The following PPP1R3E variants were observed in gnomAD, a reference collection of about 807,000 sequenced individuals.
PPP1R3E encodes the protein protein phosphatase 1 regulatory subunit 3E.
Under a neutral mutation model 18.5 loss-of-function variants are expected in PPP1R3E, and 20 were observed. The ratio of observed to expected loss-of-function variants is 1.08; its 90% confidence interval spans 0.76 to 1.58. PPP1R3E has a LOEUF of 1.58. Ranked by LOEUF, PPP1R3E falls within the 40% of genes most tolerant of loss-of-function variation. PPP1R3E has a pLI of 0.00. For synonymous variants in PPP1R3E, 208 were observed against 208.1 expected, an observed-to-expected ratio of 1.00 and a Z score of 0.00; for missense variants, 498 against 460.2, an observed-to-expected ratio of 1.08 and a Z score of -0.75.
chr14:23,299,917 TTTTG>T (rs1373238314), intron 3 of PPP1R3E, among the ~76,000 whole-genome samples: 1 of 95,722 alleles, frequency 1.0e-5, no homozygotes, highest in African/African-American at 4.8e-5. Context: ...TTTGGTGTTT[TTTTG>T]TTTTTGTTTT....
Position 23,297,220 on chromosome 14 carries a change from A to C in PPP1R3E, c.*2084T>G, listed in dbSNP as rs924777473. ...TCCACTACAATGCCTAATGCGTAAC[A>C]CATTAATAGGGTGGCTGAAGATTCC... On this transcript the variant is annotated 3_prime_UTR_variant, in exon 5 of 5. Coordinates refer to ENST00000452015, the MANE Select transcript of PPP1R3E (RefSeq NM_001276318.2). The C allele has an allele frequency of 2.6e-5, 4 of 152,178 alleles. No homozygotes were observed. The highest frequency in any genetic ancestry group is 5.9e-5 in the Non-Finnish European group (4 of 68,042). 9.4% of individuals were successfully genotyped at this position (152,178 alleles called of 1,614,324 possible).
In PPP1R3E at chr14:23,296,255, T is replaced by A. The variant is rs1361007865; in HGVS notation, c.*3049A>T. On this transcript the variant is annotated 3_prime_UTR_variant, in exon 5 of 5. Coordinates refer to ENST00000452015, the MANE Select transcript of PPP1R3E (RefSeq NM_001276318.2). ...TACCATCATTGTCTTTTGTTTCTCT[T>A]TATGCCTGGATGGGGAAAGGAATGG... 6.6e-6 allele frequency: 1 copy of A among 152,226 alleles called. No individual in the cohort carries two copies. The highest frequency in any genetic ancestry group is 1.5e-5 in the Non-Finnish European group (1 of 68,050). 9.4% of individuals were successfully genotyped at this position (152,226 alleles called of 1,614,324 possible). A position where few individuals can be genotyped will look rare whatever the true frequency, so the allele number is the denominator to read the frequency against.
At position 23,301,729 on chromosome 14, in the gene PPP1R3E, G is replaced by A; in HGVS notation, c.547C>T (p.Leu183=). 1.4e-6 allele frequency: 2 copies of A among 1,412,374 alleles called. No individual in the cohort carries two copies. The highest frequency in any genetic ancestry group is 9.2e-7 in the Non-Finnish European group (1 of 1,085,734). 87.5% of individuals were successfully genotyped at this position (1,412,374 alleles called of 1,614,324 possible). Residue 183 remains leucine (L), a synonymous_variant, in exon 2 of 5, where the codon CTG becomes TTG. Coordinates refer to ENST00000452015, the MANE Select transcript of PPP1R3E (RefSeq NM_001276318.2). ...GVAGSARVVD[L]AYEKRVSVRW... ...ACGCTCACGCGCTTCTCGTAGGCCA[G>A]GTCCACCACGCGCGCGCTCCCGGCC...
chr14:23,302,127 G>A, intron 1 of PPP1R3E, 33 bp downstream of exon 1: 1 of 1,392,612 alleles, frequency 7.2e-7, no homozygotes. Flanking sequence ...ACTGGAGGAG[G>A]TCCCCAGGAG....
rs896872460 is a variant in PPP1R3E, at chr14:23,302,508, C to T, written c.69G>A (p.Glu23=). ...RNLSFIAALT[E]RAYYRSQRPS... ...GCCGCTGGCTACGGTAGTAGGCGCGCTCCGTTAGCGCGGCGATGAAGCTCA... is the reference window on the plus strand; with the variant it reads ...GCCGCTGGCTACGGTAGTAGGCGCGTTCCGTTAGCGCGGCGATGAAGCTCA... Residue 23 remains glutamate, a synonymous_variant, in exon 1 of 5, where the codon GAG becomes GAA. Coordinates refer to ENST00000452015, the MANE Select transcript of PPP1R3E (RefSeq NM_001276318.2). The T allele has an allele frequency of 6.6e-6, 10 of 1,504,070 alleles. No homozygotes were observed. In the African/African-American group the frequency reaches 1.0e-4, roughly 15 times the overall value. 93.2% of individuals were successfully genotyped at this position (1,504,070 alleles called of 1,614,324 possible).
rs991541323 is a variant in PPP1R3E, at chr14:23,301,409, T to C, written c.*27A>G. 11 of 1,362,028 alleles carry C rather than the reference T, an allele frequency of 8.1e-6. No homozygotes were observed. The highest frequency in any genetic ancestry group is 1.5e-5 in the African/African-American group (1 of 66,250). 84.4% of individuals were successfully genotyped at this position (1,362,028 alleles called of 1,614,324 possible). ...CCGCCCCCGGGTGCCTTTGGTGTTT[T>C]CCGCCGTCGGCCGCAGGCGCCTCGT... On this transcript the variant is annotated 3_prime_UTR_variant, in exon 2 of 5. Coordinates refer to ENST00000452015, the MANE Select transcript of PPP1R3E (RefSeq NM_001276318.2).
In PPP1R3E at chr14:23,301,282, C is replaced by G. The variant is rs1168581355; in HGVS notation, c.*138+16G>C. On this transcript the variant is annotated intron_variant, in intron 2 of 4. Transcript: ENST00000452015. Reference sequence around the variant, plus strand: ...GCCCCCACGCCCCCACGCCCCCACGCCCCTGATTTCCCCACCCTTTTCGCC... The same window carrying G: ...GCCCCCACGCCCCCACGCCCCCACGGCCCTGATTTCCCCACCCTTTTCGCC... 2.7e-6 allele frequency: 1 copy of G among 370,404 alleles called. No individual in the cohort carries two copies. Among genetic ancestry groups the G allele is most frequent in the African/African-American group, 2.2e-5 (1 of 45,016 alleles). 22.9% of individuals were successfully genotyped at this position (370,404 alleles called of 1,614,324 possible).
In PPP1R3E at chr14:23,302,314, ACT is replaced by A; in HGVS notation, c.261_262del (p.Arg87SerfsTer21). On this transcript the variant is annotated frameshift_variant, in exon 1 of 5. Transcript: ENST00000452015. LOFTEE classifies it high-confidence loss of function. Reference sequence around the variant, plus strand: ...CAACCCCAGTGCGTCGGCGAAACGCACTCTCTTGCGGGTGTCTGGGCTACGGC... The same window carrying A: ...CAACCCCAGTGCGTCGGCGAAACGCACTCTTGCGGGTGTCTGGGCTACGGC... 2.6e-6 allele frequency: 4 copies of A among 1,516,516 alleles called. No homozygotes were observed. The highest frequency in any genetic ancestry group is 1.4e-5 in the African/African-American group (1 of 69,688). 93.9% of individuals were successfully genotyped at this position (1,516,516 alleles called of 1,614,324 possible). A position where few individuals can be genotyped will look rare whatever the true frequency, so the allele number is the denominator to read the frequency against.
chr14:23,299,792 G>A (rs868443846), intron 3 of PPP1R3E, among the ~76,000 whole-genome samples: 1 of 152,120 alleles, frequency 6.6e-6, no homozygotes, highest in Non-Finnish European at 1.5e-5. Context: ...ACCAGGAGGA[G>A]AGGCTTATAT....
intron 4 of PPP1R3E, among the ~76,000 whole-genome samples, 190 bp downstream of exon 4, chr14:23,299,211 C>T (rs1449747858): frequency 6.6e-6 from 1 of 152,172 alleles, no homozygotes; most frequent in Non-Finnish European, 1.5e-5. Context: ...AATGATCCAC[C>T]TAACTCAGCC....
rs1886915869 is a variant in PPP1R3E, at chr14:23,297,710, C to A, written c.*1594G>T. The A allele has an allele frequency of 6.6e-6, 1 of 152,236 alleles. No homozygotes were observed. Among genetic ancestry groups the A allele is most frequent in the African/African-American group, 2.4e-5 (1 of 41,452 alleles). The allele number at this position is 152,236 out of a possible 1,614,324, so 9.4% of individuals were successfully genotyped here. A position where few individuals can be genotyped will look rare whatever the true frequency, so the allele number is the denominator to read the frequency against. On this transcript the variant is annotated 3_prime_UTR_variant, in exon 5 of 5. Transcript: ENST00000452015. The stretch of plus-strand genomic sequence containing the variant: ...GTGCCTAAGAAGTAGCTCAGCCAGA[C>A]CCAGCCTTGAGGCAGTGGGGCAACT...
Position 23,301,631 on chromosome 14 carries a change from C to T in PPP1R3E, c.645G>A (p.Pro215=). The T allele has an allele frequency of 2.9e-6, 4 of 1,384,672 alleles. No individual in the cohort carries two copies. The highest frequency in any genetic ancestry group is 3.7e-6 in the Non-Finnish European group (4 of 1,070,618). 85.8% of individuals were successfully genotyped at this position (1,384,672 alleles called of 1,614,324 possible). Residue 215 remains proline (P), a synonymous_variant, in exon 2 of 5, where the codon CCG becomes CCA. Transcript: ENST00000452015. ...GGAAGGCGAAGCGGTCGGCGCGCGG[C>T]GGGGGCGGGGCCGGACCGGCGTAGG... is the stretch of plus-strand genomic sequence containing the variant. ...PAAYAGPAPP[P]PRADRFAFRL...
chr14:23,301,506 G>C lies in PPP1R3E; in HGVS notation c.770C>G (p.Ala257Gly), dbSNP rs1213719289. 1 of 1,490,534 alleles carries C rather than the reference G, an allele frequency of 6.7e-7. No individual in the cohort carries two copies. Among genetic ancestry groups the C allele is most frequent in the South Asian group, 1.2e-5 (1 of 80,054 alleles). The allele number at this position is 1,490,534 out of a possible 1,614,324, so 92.3% of individuals were successfully genotyped here. A position where few individuals can be genotyped will look rare whatever the true frequency, so the allele number is the denominator to read the frequency against. ...FWDNNGGRDY[A>G]LRGPEHPGSG... ...GCCCGGGTGCTCGGGCCCACGTAGA[G>C]CATAGTCACGGCCGCCGTTGTTGTC... The change falls in exon 2 of 5, where the codon GCT becomes GGT. Residue 257 changes from alanine to glycine, a missense_variant. Physicochemically the swap from Ala to Gly is moderately conservative, Grantham distance 60. Coordinates refer to ENST00000452015, the MANE Select transcript of PPP1R3E (RefSeq NM_001276318.2).
intron 3 of PPP1R3E, 104 bp from the exon 4 acceptor site, chr14:23,299,645 C>T (rs1002438278): frequency 1.3e-5 from 2 of 150,488 alleles, no homozygotes; most frequent in Admixed American, 6.6e-5. Context: ...GAAAAAAATA[C>T]CCTATATGTT....
In PPP1R3E at chr14:23,302,411, G is replaced by A; in HGVS notation, c.166C>T (p.His56Tyr). The change falls in exon 1 of 5, where the codon CAC (histidine) becomes TAC (tyrosine). Residue 56 changes from histidine (H) to tyrosine (Y), a missense_variant. Coordinates refer to ENST00000452015, the MANE Select transcript of PPP1R3E (RefSeq NM_001276318.2). ...GCCCGGCGGCCCCGACTCGGTGCGT[G>A]AGCGCGGGATCGGGCCCCGAACCGC... ...GTRFGARSRA[H>Y]APSRGRRARS... is the part of the protein sequence containing the mutation. The A allele has an allele frequency of 6.7e-7, 1 of 1,493,666 alleles. No individual in the cohort carries two copies. The highest frequency in any genetic ancestry group is 2.3e-5 in the Admixed American group (1 of 44,182). The allele number at this position is 1,493,666 out of a possible 1,614,324, so 92.5% of individuals were successfully genotyped here.
intron 3 of PPP1R3E, 33 bp downstream of exon 3, chr14:23,300,725 A>T (rs1296782922): frequency 1.3e-5 from 2 of 152,226 alleles, no homozygotes; most frequent in African/African-American, 4.8e-5. Context: ...TTAATCCCTA[A>T]AGCTGCCTGG....
rs3079707 is a variant in PPP1R3E at position 23,299,927 on chromosome 14, G to GTTTTTTTTTTTTTTTTTT, written c.*246-404_*246-387dup. ...GTTGCTTTGGTGTTTTTTTGTTTTT[G>GTTTTTTTTTTTTTTTTTT]TTTTTTTTTTTTTTTTTTTTTTACA... On this transcript the variant is annotated intron_variant, in intron 3 of 4. Transcript: ENST00000452015. 2.8e-3 allele frequency among the ~76,000 whole-genome samples: 279 copies of GTTTTTTTTTTTTTTTTTT among 100,502 alleles called. 8 individuals carry two copies. The highest frequency in any genetic ancestry group is 8.1e-3 in the Middle Eastern group (1 of 124). 65.9% of individuals were successfully genotyped at this position (100,502 alleles called of 152,430 possible). A position where few individuals can be genotyped will look rare whatever the true frequency, so the allele number is the denominator to read the frequency against.
intron 3 of PPP1R3E, chr14:23,300,293 G>A (rs539214840): frequency 3.3e-5 from 5 of 152,316 alleles, no homozygotes; most frequent in Admixed American, 2.0e-4. Flanking sequence ...ACCCATCCTC[G>A]GCTCCAGCCA....
Position 23,301,432 on chromosome 14 carries a change from C to A in PPP1R3E, c.*4G>T, listed in dbSNP as rs977883232. The A allele has an allele frequency of 8.5e-5, 119 of 1,407,354 alleles. No homozygotes were observed. The African/African-American group carries it at 1.5e-3, about 18-fold the overall frequency. The allele number at this position is 1,407,354 out of a possible 1,614,324, so 87.2% of individuals were successfully genotyped here. ...TTTCCGCCGTCGGCCGCAGGCGCCT[C>A]GTCTCAGATAAAGTGGATCCAGCCC... On this transcript the variant is annotated 3_prime_UTR_variant, in exon 2 of 5. Coordinates refer to ENST00000452015, the MANE Select transcript of PPP1R3E (RefSeq NM_001276318.2).
Sources: gnomAD v4.1 joint callset for allele counts (sites outside exome capture counted in the v4.1 genomes callset) on GRCh38, gnomAD v4.1.1 for gene constraint, MANE v1.5 for transcripts, NCBI Gene and HGNC (gene_info 2026-07-23, HGNC 2026-07-21) for gene names.